The following MGAT4C variants were observed in gnomAD, a reference collection of about 807,000 sequenced individuals.
MGAT4C encodes MGAT4 family member C.
A neutral mutation model predicts 40.1 loss-of-function variants in MGAT4C; 19 were observed. That is an observed-to-expected ratio of 0.47 (90% CI 0.33 to 0.70). The LOEUF is 0.70. Among genes scored for constraint, MGAT4C ranks in the 30% least tolerant of loss-of-function variants. The pLI is 0.02. For missense variants in MGAT4C, 491 were observed against 563.2 expected (o/e 0.87, Z 1.30); for synonymous variants, 181 against 187.1 (o/e 0.97, Z 0.27).
intron 2 of MGAT4C, among the ~76,000 whole-genome samples, chr12:86,652,210 C>T (rs1963716339): frequency 6.6e-6 from 1 of 151,704 alleles, no homozygotes. Flanking sequence ...AAATACAAAC[C>T]TAATTTTTAT....
At chr12:86,271,115 T>C (rs1043167145) in intron 4 of MGAT4C, among the ~76,000 whole-genome samples, 2 of 152,104 alleles carry the variant, frequency 1.3e-5, no homozygotes, top group African/African-American at 2.4e-5. Flanking sequence ...AGGCAAAACA[T>C]TTATGAAGAC....
At chr12:86,101,446 T>C (rs1875038664) in intron 1 of MGAT4C, among the ~76,000 whole-genome samples, 3 of 151,870 alleles carry the variant, frequency 2.0e-5, no homozygotes, top group Admixed American at 2.0e-4. Flanking sequence ...ACTGGGGATT[T>C]TTTAGATGAG....
chr12:86,393,551 T>C (rs1007537273), intron 3 of MGAT4C, among the ~76,000 whole-genome samples: 1 of 152,170 alleles, frequency 6.6e-6, no homozygotes, highest in African/African-American at 2.4e-5. Context: ...AGTGAATATA[T>C]AAGAAACATA....
At chr12:86,183,211 GT>G (rs1888320598) in intron 1 of MGAT4C, among the ~76,000 whole-genome samples, 1 of 151,890 alleles carries the variant, frequency 6.6e-6, no homozygotes, top group Admixed American at 6.6e-5. Context: ...TATTGTGTTT[GT>G]TTTTGATATT....
At chr12:86,070,926 CT>C (rs1177088967) in intron 1 of MGAT4C, among the ~76,000 whole-genome samples, 4 of 151,916 alleles carry the variant, frequency 2.6e-5, no homozygotes, top group Admixed American at 2.6e-4. Context: ...GTATGTAATG[CT>C]TTTAAATGGG....
intron 2 of MGAT4C, among the ~76,000 whole-genome samples, chr12:86,710,793 A>G (rs1950542643): frequency 6.6e-6 from 1 of 152,210 alleles, no homozygotes; most frequent in Non-Finnish European, 1.5e-5. Context: ...TTAACTGCCC[A>G]TCAACGAACG....
chr12:86,037,224 T>C lies in MGAT4C; in HGVS notation c.-7+12450A>G, dbSNP rs946700190. On this transcript the variant is annotated intron_variant, in intron 2 of 4. Transcript: ENST00000611864. ...GCTAGCAGTCTATCGATTTCGTTGA[T>C]CTTTTCAAAAATCCAGCTCCTGGAT... Among the ~76,000 whole-genome samples, 25 of 150,188 alleles carry C rather than the reference T, an allele frequency of 1.7e-4. 2 individuals are homozygous for C. The highest frequency in any genetic ancestry group is 3.9e-4 in the East Asian group (2 of 5,182).
chr12:86,607,955 G>T (rs1962102144), intron 2 of MGAT4C, among the ~76,000 whole-genome samples: 1 of 152,016 alleles, frequency 6.6e-6, no homozygotes, highest in Admixed American at 6.6e-5. Context: ...ATGTTGCCAG[G>T]TCTTCCCTGG....
At chr12:86,197,782 A>AGAT (rs1430401096) in intron 1 of MGAT4C, among the ~76,000 whole-genome samples, 6 of 152,224 alleles carry the variant, frequency 3.9e-5, no homozygotes, top group African/African-American at 1.2e-4. Flanking sequence ...AAAAAGTAAA[A>AGAT]GATGCATTCT....
At chr12:86,663,721 C>T (rs1247416596) in intron 2 of MGAT4C, among the ~76,000 whole-genome samples, 1 of 152,064 alleles carries the variant, frequency 6.6e-6, no homozygotes, top group East Asian at 1.9e-4. Context: ...ACCTAATAGC[C>T]CCCTCCCCTA....
At chr12:86,808,989 C>T (rs1952419089) in intron 1 of MGAT4C, among the ~76,000 whole-genome samples, 1 of 152,014 alleles carries the variant, frequency 6.6e-6, no homozygotes, top group South Asian at 2.1e-4. Flanking sequence ...ACACCAACAA[C>T]CAGCAAGCCA....
intron 1 of MGAT4C, among the ~76,000 whole-genome samples, chr12:86,163,801 C>T (rs1301470811): frequency 2.6e-5 from 4 of 152,194 alleles, no homozygotes; most frequent in Non-Finnish European, 4.4e-5. Flanking sequence ...TTGTGTTTCA[C>T]AATTCCATAA....
chr12:86,732,011 C>T (rs570909788), intron 1 of MGAT4C, among the ~76,000 whole-genome samples: 1 of 152,218 alleles, frequency 6.6e-6, no homozygotes, highest in African/African-American at 2.4e-5. Context: ...TTTGCTGGGC[C>T]TAGGTTTATG....
At chr12:86,707,551 G>T (rs1285528159) in intron 2 of MGAT4C, among the ~76,000 whole-genome samples, 1 of 150,140 alleles carries the variant, frequency 6.7e-6, no homozygotes, top group African/African-American at 2.5e-5. Flanking sequence ...TTTTAATTGA[G>T]GTGGAGTATT....
At chr12:86,766,293 G>C (rs1276981034) in intron 1 of MGAT4C, among the ~76,000 whole-genome samples, 1 of 151,862 alleles carries the variant, frequency 6.6e-6, no homozygotes, top group African/African-American at 2.4e-5. Flanking sequence ...AATGGTAAAG[G>C]GATCAATTCA....
chr12:86,188,523 G>T (rs1240820379), intron 1 of MGAT4C, among the ~76,000 whole-genome samples: 1 of 151,814 alleles, frequency 6.6e-6, no homozygotes, highest in Non-Finnish European at 1.5e-5. Flanking sequence ...GCTGGAAATA[G>T]ATTTAGAATA....
At chr12:86,504,446 G>A (rs1255187433) in intron 2 of MGAT4C, among the ~76,000 whole-genome samples, 4 of 152,092 alleles carry the variant, frequency 2.6e-5, no homozygotes, top group African/African-American at 9.7e-5. Context: ...ATAGAATATA[G>A]AGTAAAAATA....
chr12:86,376,921 C>T (rs1458278675), intron 3 of MGAT4C, among the ~76,000 whole-genome samples: 1 of 151,374 alleles, frequency 6.6e-6, no homozygotes, highest in Non-Finnish European at 1.5e-5. Flanking sequence ...AGAGATACAT[C>T]TTTAAGTTGT....
At chr12:86,744,695 A>G (rs1324674892) in intron 1 of MGAT4C, among the ~76,000 whole-genome samples, 1 of 151,496 alleles carries the variant, frequency 6.6e-6, no homozygotes, top group East Asian at 2.0e-4. Context: ...GGACATTCTT[A>G]GCATAACAAA....
Sources: gnomAD v4.1 joint callset for allele counts (sites outside exome capture counted in the v4.1 genomes callset) on GRCh38, gnomAD v4.1.1 for gene constraint, MANE v1.5 for transcripts, NCBI Gene and HGNC (gene_info 2026-07-23, HGNC 2026-07-21) for gene names.